The following TRPM5 variants were observed in gnomAD, a reference collection of about 807,000 sequenced individuals.
TRPM5 encodes the protein MLSN1 and TRP-related.
Under a neutral mutation model 124.9 loss-of-function variants are expected in TRPM5, and 121 were observed. That is an observed-to-expected ratio of 0.97 (90% confidence interval 0.84 to 1.13). The LOEUF (loss-of-function observed/expected upper bound fraction) is 1.13, where lower values mean the gene tolerates loss of function less well. Among genes scored for constraint, TRPM5 ranks in the 50% most tolerant of loss-of-function variants. The pLI is 0.00. For synonymous variants in TRPM5, 781 were observed against 700.5 expected (o/e 1.11, Z -1.81); for missense variants, 1,643 against 1,589.1 (o/e 1.03, Z -0.58).
Position 2,418,151 on chromosome 11 carries a change from AG to A in TRPM5, c.906+15del, listed in dbSNP as rs1845712553. 9 of 1,535,396 alleles carry A rather than the reference AG, an allele frequency of 5.9e-6. No homozygotes were observed. Among genetic ancestry groups the A allele is most frequent in the Non-Finnish European group, 8.0e-6 (9 of 1,131,594 alleles). On this transcript the variant is annotated intron_variant, in intron 6 of 23. Transcript: ENST00000155858. ...GGAGGAGGGGTCGGGAGGACAGGGG[AG>A]GGGGCAGCACATACCAGCTTGGTCC...
chr11:2,409,873 G>A (rs771851872), intron 18 of TRPM5, among the ~76,000 whole-genome samples: 1 of 152,212 alleles, frequency 6.6e-6, no homozygotes, highest in South Asian at 2.1e-4. Context: ...CGGAGCAGGG[G>A]CCCCTCGGGA....
At chr11:2,428,619 A>T in the TRPM5 span, among the ~76,000 whole-genome samples, 1 of 149,544 alleles carries the variant, frequency 6.7e-6, no homozygotes, top group East Asian at 2.0e-4. The surrounding 1 kb of genome is among the most constrained non-coding windows in gnomAD (Gnocchi z 4.0). Flanking sequence ...TGGTGATGGC[A>T]TTACCGTTGA....
At chr11:2,442,035 T>C in the TRPM5 span, among the ~76,000 whole-genome samples, 1 of 152,114 alleles carries the variant, frequency 6.6e-6, no homozygotes, top group South Asian at 2.1e-4. The surrounding 1 kb of genome is among the most constrained non-coding windows in gnomAD (Gnocchi z 5.9). Flanking sequence ...CCGCCCTGCC[T>C]TTTCACTCGT....
At chr11:2,413,275 G>A (rs967321606) in intron 13 of TRPM5, 49 bp from the exon 19 acceptor site, 16 of 1,480,434 alleles carry the variant, frequency 1.1e-5, no homozygotes, top group East Asian at 7.4e-5. Flanking sequence ...TCCCAGAGGC[G>A]CCTGCCTGGC....
chr11:2,407,288 C>T (rs749718995), exon 20 of TRPM5: 8 of 1,610,346 alleles, frequency 5.0e-6, no homozygotes, highest in Non-Finnish European at 6.8e-6. Flanking sequence ...CCTGCACCAC[C>T]TGGAACGTGT....
chr11:2,442,401 AC>A, the TRPM5 span, among the ~76,000 whole-genome samples: 1 of 145,652 alleles, frequency 6.9e-6, no homozygotes, highest in African/African-American at 2.8e-5. The surrounding 1 kb of genome is among the most constrained non-coding windows in gnomAD (Gnocchi z 5.9). Flanking sequence ...ACACACACAC[AC>A]ACACACACAC....
exon 21 of TRPM5, chr11:2,406,782 G>A (rs142877041): frequency 1.4e-5 from 23 of 1,611,456 alleles, no homozygotes; most frequent in Non-Finnish European, 1.9e-5. Context: ...AGGGGGTCTG[G>A]CAGGTCTCTC....
chr11:2,420,440 G>C, intron 3 of TRPM5, 35 bp from the exon 9 acceptor site: 1 of 1,538,018 alleles, frequency 6.5e-7, no homozygotes, highest in Non-Finnish European at 8.7e-7. Context: ...CTGAGCCCTC[G>C]AGAGGCAGCT....
chr11:2,408,552 T>C (rs974570425), intron 18 of TRPM5, among the ~76,000 whole-genome samples: 1 of 152,252 alleles, frequency 6.6e-6, no homozygotes, highest in Non-Finnish European at 1.5e-5. Context: ...CGGCACACTC[T>C]GGGAGCTTGC....
chr11:2,415,927 G>C, exon 8 of TRPM5: 1 of 1,577,332 alleles, frequency 6.3e-7, no homozygotes, highest in Non-Finnish European at 8.6e-7. Flanking sequence ...CGTCCCCATT[G>C]AAGATCTCAC....
chr11:2,414,013 G>GCCCCCCCCCCCCCCCCCCCCCCC, intron 12 of TRPM5, 48 bp downstream of exon 17: 1 of 625,670 alleles, frequency 1.6e-6, no homozygotes, highest in Non-Finnish European at 2.4e-6. Flanking sequence ...CAGCTCGCCC[G>GCCCCCCCCCCCCCCCCCCCCCCC]CCCACCCCAC....
the TRPM5 span, among the ~76,000 whole-genome samples, chr11:2,430,202 T>C: frequency 2.4e-3 from 371 of 152,148 alleles, 3 homozygotes; most frequent in African/African-American, 8.6e-3. Context: ...TCTGCTAGGA[T>C]CACTTTTCCT....
At chr11:2,414,683 C>A in intron 11 of TRPM5, 32 bp downstream of exon 16, 2 of 1,512,328 alleles carry the variant, frequency 1.3e-6, no homozygotes, top group Non-Finnish European at 1.8e-6. Flanking sequence ...CTCCCCCGCG[C>A]GCGGGCCCGG....
chr11:2,427,740 A>C (rs906774041), upstream of TRPM5, among the ~76,000 whole-genome samples: 2 of 152,212 alleles, frequency 1.3e-5, no homozygotes, highest in African/African-American at 2.4e-5. Context: ...GGACCGATGC[A>C]GCTGAAATCC....
chr11:2,444,179 A>C, the TRPM5 span, among the ~76,000 whole-genome samples: 1 of 149,282 alleles, frequency 6.7e-6, no homozygotes, highest in African/African-American at 2.5e-5. Context: ...GTCCCATCTC[A>C]CCCTCCCGGT....
At chr11:2,429,234 GA>G in the TRPM5 span, among the ~76,000 whole-genome samples, 1 of 151,104 alleles carries the variant, frequency 6.6e-6, no homozygotes, top group African/African-American at 2.4e-5. This position sits in a 1 kb window ranked among gnomAD's most constrained non-coding sequence, Gnocchi z 8.4. Context: ...TGGTGGTGGT[GA>G]CTATAGTCAC....
rs752759235 is a variant in TRPM5 at position 2,414,939 on chromosome 11, G to A, written c.1588C>T (p.Arg530Cys). 9.3e-6 allele frequency: 15 copies of A among 1,605,898 alleles called. No individual in the cohort carries two copies. The highest frequency in any genetic ancestry group is 5.5e-5 in the South Asian group (5 of 90,696). ...CAGAAGTAGGTGGCCATCTCGTGGC[G>A]GTTCTGCAGCACGGCCCACAGGAAC... Residue 530 changes from arginine (R) to cysteine (C), a missense_variant, in exon 10 of 24, where the codon CGC (arginine) becomes TGC (cysteine). Physicochemically the swap from Arg to Cys is radical, Grantham distance 180 (BLOSUM62 -3). Coordinates refer to ENST00000155858, the Ensembl canonical transcript of TRPM5.
At chr11:2,418,705 G>C in intron 4 of TRPM5, 114 bp from the exon 10 acceptor site, 2 of 1,103,466 alleles carry the variant, frequency 1.8e-6, no homozygotes, top group Non-Finnish European at 2.6e-6. Flanking sequence ...TCCGAATAAA[G>C]TGTGGGCTTC....
intron 16 of TRPM5, 95 bp from the exon 22 acceptor site, chr11:2,411,862 G>A: frequency 1.3e-6 from 2 of 1,507,728 alleles, no homozygotes; most frequent in Non-Finnish European, 1.8e-6. Flanking sequence ...CAGGGCCAGG[G>A]CCAGGCCAGG....
Sources: gnomAD v4.1 joint callset for allele counts (sites outside exome capture counted in the v4.1 genomes callset) on GRCh38, gnomAD v4.1.1 for gene constraint, Gnocchi (gnomAD v3.1) non-coding constraint, MANE v1.5 for transcripts, NCBI Gene and HGNC (gene_info 2026-07-23, HGNC 2026-07-21) for gene names.